DIPK2A: variants seen among roughly 807,000 people sequenced by gnomAD.
DIPK2A encodes the protein divergent protein kinase domain 2A.
Under a neutral mutation model 39.0 loss-of-function variants are expected in DIPK2A, and 27 were observed. The observed-to-expected ratio is 0.69, with a 90% CI of 0.51 to 0.96. The LOEUF (loss-of-function observed/expected upper bound fraction) is 0.96, where lower values mean the gene tolerates loss of function less well. Ranked by LOEUF, DIPK2A falls within the 40% of genes least tolerant of loss-of-function variation. The pLI, the probability that DIPK2A is intolerant of heterozygous loss-of-function variation, is 0.00. For missense variants in DIPK2A, 528 were observed against 571.3 expected, an observed-to-expected ratio of 0.92 and a Z score of 0.77; for synonymous variants, 298 against 240.8, an observed-to-expected ratio of 1.24 and a Z score of -2.20.
At chr3:143,977,588 A>T (rs11921217) in intron 1 of DIPK2A, among the ~76,000 whole-genome samples, 1 of 152,130 alleles carries the variant, frequency 6.6e-6, no homozygotes, top group African/African-American at 2.4e-5. Flanking sequence ...TTTTCAAACA[A>T]CAGTTTAAGG....
intron 1 of DIPK2A, among the ~76,000 whole-genome samples, chr3:143,979,096 C>T (rs893705436): frequency 2.6e-5 from 4 of 152,028 alleles, no homozygotes; most frequent in Non-Finnish European, 5.9e-5. Flanking sequence ...GTTAAAAGTT[C>T]TTTAGTACAT....
In DIPK2A at chr3:143,985,774, C is replaced by G. The variant is rs147801565; in HGVS notation, c.889C>G (p.Pro297Ala). 1.9e-5 allele frequency: 30 copies of G among 1,613,912 alleles called. No homozygotes were observed. The highest frequency in any genetic ancestry group is 2.5e-5 in the Non-Finnish European group (30 of 1,179,988). Reference sequence around the variant, plus strand: ...CAGCTTTGACAATTTTGCAGTTGGTCCTAGAGATGGGAAGGTAATCATTGT... The same window carrying G: ...CAGCTTTGACAATTTTGCAGTTGGTGCTAGAGATGGGAAGGTAATCATTGT... Reference protein sequence around the residue: ...DVSFDNFAVGPRDGKVIIVDA... With the variant: ...DVSFDNFAVGARDGKVIIVDA... The change falls in exon 2 of 3, where the codon CCT (proline) becomes GCT (alanine). Residue 297 changes from proline (P) to alanine (A), a missense_variant. Physicochemically the swap from Pro to Ala is conservative, Grantham distance 27. Coordinates refer to ENST00000315691, the MANE Select transcript of DIPK2A (RefSeq NM_173552.5).
In DIPK2A at chr3:143,972,643, G is replaced by A. The variant is rs1576803863; in HGVS notation, c.311G>A (p.Arg104His). 3 of 1,611,172 alleles carry A rather than the reference G, an allele frequency of 1.9e-6. No individual in the cohort carries two copies. The highest frequency in any genetic ancestry group is 2.5e-6 in the Non-Finnish European group (3 of 1,179,308). The change falls in exon 1 of 3, where the codon CGC becomes CAC. Residue 104 changes from arginine (R) to histidine (H), a missense_variant. Physicochemically the swap from Arg to His is conservative, Grantham distance 29. This residue lies in a region of DIPK2A where 309 missense variants were observed against 289.8 expected (regional missense o/e 1.07). Transcript: ENST00000315691. ...TACGGCGAGCCCCGCGAGGGCGGCCGCCGCCGAGTGGTGCTCAAGCGCCTC... is the reference window on the plus strand; with the variant it reads ...TACGGCGAGCCCCGCGAGGGCGGCCACCGCCGAGTGGTGCTCAAGCGCCTC... ...AQYGEPREGGRRRVVLKRLGS... is the reference protein window; with the variant it reads ...AQYGEPREGGHRRVVLKRLGS...
rs1314105647 is a variant in DIPK2A at position 143,972,704 on chromosome 3, C to T, written c.372C>T (p.Ser124=). ...GCGAGCTGGCGCAGCTCGACCAGAG[C>T]ATCTGCAAGCGGGCCACCGGCCGGC... ...SQRELAQLDQ[S]ICKRATGRPR... The change falls in exon 1 of 3, where the codon AGC becomes AGT. Residue 124 remains serine, a synonymous_variant. Coordinates refer to ENST00000315691, the MANE Select transcript of DIPK2A (RefSeq NM_173552.5). The T allele has an allele frequency of 1.2e-6, 2 of 1,604,198 alleles. No individual in the cohort carries two copies. Among genetic ancestry groups the T allele is most frequent in the Admixed American group, 1.7e-5 (1 of 59,516 alleles).
Position 143,989,965 on chromosome 3 carries a change from G to C in DIPK2A, c.*124G>C, listed in dbSNP as rs1395950351. 11 of 681,014 alleles carry C rather than the reference G, an allele frequency of 1.6e-5. No individual in the cohort carries two copies. The East Asian group carries it at 3.0e-4, about 18-fold the overall frequency. The allele number at this position is 681,014 out of a possible 1,614,324, so 42.2% of individuals were successfully genotyped here. On this transcript the variant is annotated 3_prime_UTR_variant, in exon 3 of 3. Transcript: ENST00000315691. ...ATTCAGAGGATGATAAACTTGCACT[G>C]ATAGATCTTAATGTTAACATCCATC... is the stretch of plus-strand genomic sequence containing the variant.
chr3:143,972,943 AGCT>A lies in DIPK2A; in HGVS notation c.619_621del (p.Leu207del), dbSNP rs1338228170. 6.3e-7 allele frequency: 1 copy of A among 1,589,454 alleles called. No homozygotes were observed. The highest frequency in any genetic ancestry group is 1.7e-5 in the Admixed American group (1 of 57,236). ...AACCTCAAGGACTCGGAGCGCATGC[AGCT>A]GCTGCTGACCCTGGCCTTCAACCCC... On this transcript the variant is annotated inframe_deletion, in exon 1 of 3. Transcript: ENST00000315691.
chr3:143,978,601 T>G (rs2087764507), intron 1 of DIPK2A: 2 of 64,010 alleles, frequency 3.1e-5, no homozygotes, highest in Admixed American at 1.5e-4. Flanking sequence ...TATCTATCTA[T>G]CTATATATAT....
chr3:143,985,956 G>T, intron 2 of DIPK2A, 110 bp downstream of exon 2: 1 of 834,020 alleles, frequency 1.2e-6, no homozygotes, highest in South Asian at 1.8e-5. Context: ...GCAACTTTAA[G>T]CGTCTTTCTT....
Position 143,989,866 on chromosome 3 carries a change from C to T in DIPK2A, c.*25C>T. On this transcript the variant is annotated 3_prime_UTR_variant, in exon 3 of 3. Coordinates refer to ENST00000315691, the MANE Select transcript of DIPK2A (RefSeq NM_173552.5). ...GTCTATGGTGAACTTTTCTTTTTTT[C>T]TCCATTTAAACAGCACTGGCTAAAA... is the stretch of plus-strand genomic sequence containing the variant. 2 of 1,577,456 alleles carry T rather than the reference C, an allele frequency of 1.3e-6. No homozygotes were observed. Among genetic ancestry groups the T allele is most frequent in the Non-Finnish European group, 8.7e-7 (1 of 1,153,480 alleles).
At chr3:143,987,287 A>G (rs962086834) in intron 2 of DIPK2A, among the ~76,000 whole-genome samples, 39 of 152,312 alleles carry the variant, frequency 2.6e-4, no homozygotes, top group African/African-American at 9.1e-4. Flanking sequence ...TTCAGTGTTT[A>G]TAACAATAAT....
rs575168243 is a variant in DIPK2A at position 143,972,924 on chromosome 3, A to C, written c.592A>C (p.Lys198Gln). Residue 198 changes from lysine (K) to glutamine (Q), a missense_variant, in exon 1 of 3, where the codon AAG becomes CAG. Physicochemically the swap from Lys to Gln is moderately conservative, Grantham distance 53 (BLOSUM62 1). Coordinates refer to ENST00000315691, the MANE Select transcript of DIPK2A (RefSeq NM_173552.5). Reference sequence around the variant, plus strand: ...GGGCAGCTTCCTGCTTCGCAACCTCAAGGACTCGGAGCGCATGCAGCTGCT... The same window carrying C: ...GGGCAGCTTCCTGCTTCGCAACCTCCAGGACTCGGAGCGCATGCAGCTGCT... Reference protein sequence around the residue: ...DSGSFLLRNLKDSERMQLLLT... With the variant: ...DSGSFLLRNLQDSERMQLLLT... The C allele has an allele frequency of 8.8e-6, 14 of 1,590,294 alleles. No individual in the cohort carries two copies. In the East Asian group the frequency reaches 3.2e-4, roughly 36 times the overall value.
chr3:143,985,707 TACAA>T lies in DIPK2A; in HGVS notation c.827_830del (p.Asn276MetfsTer26). The T allele has an allele frequency of 6.2e-7, 1 of 1,614,184 alleles. No homozygotes were observed. The highest frequency in any genetic ancestry group is 8.5e-7 in the Non-Finnish European group (1 of 1,180,020). Reference sequence around the variant, plus strand: ...AATTAATGGAAATAGCAGAACAGCTTACAAACAATGACTTTGAATTTGCACTCTA... The same window carrying T: ...AATTAATGGAAATAGCAGAACAGCTTACAATGACTTTGAATTTGCACTCTA... On this transcript the variant is annotated frameshift_variant, in exon 2 of 3. Transcript: ENST00000315691. LOFTEE classifies it high-confidence loss of function.
intron 2 of DIPK2A, 123 bp downstream of exon 2, chr3:143,985,969 C>T: frequency 1.4e-6 from 1 of 698,596 alleles, no homozygotes; most frequent in Non-Finnish European, 2.3e-6. Context: ...TCTTTCTTTG[C>T]TTTATATGAC....
intron 1 of DIPK2A, among the ~76,000 whole-genome samples, chr3:143,984,676 C>T (rs930998674): frequency 9.3e-6 from 1 of 107,582 alleles, no homozygotes; most frequent in Admixed American, 8.6e-5. Flanking sequence ...TGTTCATGGT[C>T]ATGGAACACG....
intron 1 of DIPK2A, among the ~76,000 whole-genome samples, chr3:143,976,536 G>T (rs1285356331): frequency 9.6e-6 from 1 of 103,896 alleles, no homozygotes; most frequent in African/African-American, 5.3e-5. Context: ...GGGAGAGTGT[G>T]TGTGTGTGTG....
intron 1 of DIPK2A, among the ~76,000 whole-genome samples, chr3:143,980,138 C>G (rs548553218): frequency 6.6e-6 from 1 of 152,202 alleles, no homozygotes; most frequent in South Asian, 2.1e-4. Context: ...ATTAGTCTGT[C>G]ACCAGTACAG....
rs1376421564 is a variant in DIPK2A, at chr3:143,989,816, C to T, written c.1268C>T (p.Ala423Val). The T allele has an allele frequency of 3.7e-6, 6 of 1,613,408 alleles. No individual in the cohort carries two copies. Among genetic ancestry groups the T allele is most frequent in the South Asian group, 2.2e-5 (2 of 91,076 alleles). ...QAAKELREYL[A>V]QLSNNVR ...GCAAAAGAACTGCGTGAATACCTAG[C>T]ACAATTAAGTAACAACGTGAGGTAG... Residue 423 changes from alanine to valine, a missense_variant, in exon 3 of 3, where the codon GCA becomes GTA. Physicochemically the swap from Ala to Val is moderately conservative, Grantham distance 64. Around this residue, in one of 2 missense-constraint regions of DIPK2A, gnomAD observed 219 missense variants for 281.5 expected, o/e 0.78. Coordinates refer to ENST00000315691, the MANE Select transcript of DIPK2A (RefSeq NM_173552.5).
intron 1 of DIPK2A, 41 bp downstream of exon 1, chr3:143,973,030 C>T (rs2087680549): frequency 1.3e-6 from 2 of 1,539,130 alleles, no homozygotes; most frequent in African/African-American, 1.4e-5. Context: ...TGGGAGGGGC[C>T]GCGCGTGGGA....
chr3:143,973,967 A>G (rs1004610023), intron 1 of DIPK2A, among the ~76,000 whole-genome samples: 3 of 152,140 alleles, frequency 2.0e-5, no homozygotes, highest in Admixed American at 6.5e-5. Context: ...AGTGATTACA[A>G]CTGTGGGGTT....
Sources: gnomAD v4.1 joint callset for allele counts (sites outside exome capture counted in the v4.1 genomes callset) on GRCh38, gnomAD v4.1.1 for gene constraint, gnomAD v4.1.1 regional missense constraint, MANE v1.5 for transcripts, NCBI Gene and HGNC (gene_info 2026-07-23, HGNC 2026-07-21) for gene names.